Variants in MED13L observed in about 807,000 individuals in gnomAD.
MED13L encodes the protein mediator of RNA polymerase II transcription subunit 13-like.
MED13L carries 7 observed loss-of-function variants against 220.9 expected under a neutral mutation model. That is an observed-to-expected ratio of 0.03 (90% CI 0.02 to 0.06). The LOEUF is 0.06. Among genes scored for constraint, MED13L ranks in the 10% least tolerant of loss-of-function variants. The probability of loss-of-function intolerance (pLI) is 1.00; values close to 1 mark genes in which losing one functional copy is unlikely to be tolerated. For synonymous variants in MED13L, 1,011 were observed against 1,015.2 expected, an observed-to-expected ratio of 1.00 and a Z score of 0.08; for missense variants, 1,965 against 2,760.5, an observed-to-expected ratio of 0.71 and a Z score of 6.46.
chr12:116,234,528 C>A (rs1320423190), intron 2 of MED13L, among the ~76,000 whole-genome samples: 1 of 151,806 alleles, frequency 6.6e-6, no homozygotes, highest in Admixed American at 6.6e-5. Context: ...CCGTGACCAG[C>A]CAGGAAATGC....
intron 2 of MED13L, among the ~76,000 whole-genome samples, chr12:116,120,934 C>T (rs187658054): frequency 6.6e-6 from 1 of 152,098 alleles, no homozygotes; most frequent in African/African-American, 2.4e-5. Context: ...AAATGAGTGA[C>T]AACAGTCAAT....
chr12:116,119,857 A>G (rs1874882448), intron 2 of MED13L, among the ~76,000 whole-genome samples: 1 of 139,456 alleles, frequency 7.2e-6, no homozygotes, highest in African/African-American at 2.7e-5. Context: ...ATATATATAT[A>G]TATATGAAAC....
At chr12:115,981,002 T>C in intron 22 of MED13L, 64 bp from the exon 23 acceptor site, 1 of 1,406,820 alleles carries the variant, frequency 7.1e-7, no homozygotes, top group Admixed American at 1.9e-5. Flanking sequence ...TCTAACACAC[T>C]AACAAGCAAG....
intron 2 of MED13L, among the ~76,000 whole-genome samples, chr12:116,121,187 TATAA>T (rs1343757244): frequency 6.6e-6 from 1 of 152,210 alleles, no homozygotes; most frequent in Non-Finnish European, 1.5e-5. Flanking sequence ...AAAAGTAGTA[TATAA>T]ATGTTTTTTA....
rs1192473512 is a variant in MED13L, at chr12:116,148,086, G to A, written c.311-36574C>T. Among the ~76,000 whole-genome samples, 6 of 117,322 alleles carry A rather than the reference G, an allele frequency of 5.1e-5. No individual in the cohort carries two copies. The East Asian group carries it at 1.6e-3, about 32-fold the overall frequency. 77.0% of individuals were successfully genotyped at this position (117,322 alleles called of 152,430 possible). On this transcript the variant is annotated intron_variant, in intron 2 of 30. Transcript: ENST00000281928. ...AAAAAAAAAAAAAAGAGGGGGGCGG[G>A]AGTGGAGGGGGGCGGGGGTTCAAGC...
chr12:116,270,974 G>A (rs1269207434), intron 1 of MED13L, among the ~76,000 whole-genome samples: 5 of 147,602 alleles, frequency 3.4e-5, no homozygotes, highest in East Asian at 2.1e-4. Flanking sequence ...CCCAGGAGGC[G>A]GAGGTTGCAG....
At chr12:116,183,824 G>GTGTGTA (rs1346347596) in intron 2 of MED13L, among the ~76,000 whole-genome samples, 2 of 151,254 alleles carry the variant, frequency 1.3e-5, no homozygotes, top group African/African-American at 4.9e-5. Flanking sequence ...GTGTGTATGT[G>GTGTGTA]TGTGTGTGTG....
At chr12:116,039,496 T>C (rs1881395226) in intron 4 of MED13L, among the ~76,000 whole-genome samples, 1 of 152,166 alleles carries the variant, frequency 6.6e-6, no homozygotes, top group South Asian at 2.1e-4. Context: ...CAAAACACAG[T>C]ATGGCCTTCA....
intron 2 of MED13L, among the ~76,000 whole-genome samples, chr12:116,125,454 G>T (rs1875498841): frequency 6.6e-6 from 1 of 152,218 alleles, no homozygotes. Flanking sequence ...AAAATGTGTA[G>T]CCTAACTCTG....
chr12:116,002,977 T>C (rs1207124467), intron 14 of MED13L, 26 bp downstream of exon 14: 8 of 1,560,894 alleles, frequency 5.1e-6, no homozygotes, highest in Non-Finnish European at 7.1e-6. Flanking sequence ...TGAGCCACAA[T>C]GGCTCAGTCA....
intron 2 of MED13L, among the ~76,000 whole-genome samples, chr12:116,194,791 A>T (rs1376151447): frequency 6.6e-6 from 1 of 152,226 alleles, no homozygotes; most frequent in East Asian, 1.9e-4. Context: ...TGGCATCATA[A>T]ATTGCTTTGA....
intron 1 of MED13L, among the ~76,000 whole-genome samples, chr12:116,251,704 C>G (rs1291208187): frequency 1.3e-5 from 2 of 150,174 alleles, no homozygotes; most frequent in African/African-American, 2.5e-5. Context: ...GAGCTTGCAG[C>G]GAGCCAAGAT....
At chr12:116,075,512 T>C (rs1870708952) in intron 4 of MED13L, among the ~76,000 whole-genome samples, 1 of 152,248 alleles carries the variant, frequency 6.6e-6, no homozygotes, top group Non-Finnish European at 1.5e-5. Flanking sequence ...GCACCAGGTA[T>C]GTAGTCAACA....
chr12:116,009,596 G>A (rs1028237461), intron 9 of MED13L, among the ~76,000 whole-genome samples: 4 of 152,072 alleles, frequency 2.6e-5, no homozygotes, highest in Admixed American at 1.3e-4. Flanking sequence ...AAATAACTAC[G>A]CAACTACTCT....
intron 2 of MED13L, among the ~76,000 whole-genome samples, chr12:116,203,414 TG>T (rs1389807966): frequency 4.1e-5 from 6 of 146,664 alleles, no homozygotes; most frequent in African/African-American, 1.3e-4. Flanking sequence ...TTTTGTTTTG[TG>T]TTTTTTTTTT....
At chr12:115,973,031 C>CT (rs917264862) in intron 25 of MED13L, among the ~76,000 whole-genome samples, 5 of 152,106 alleles carry the variant, frequency 3.3e-5, no homozygotes, top group African/African-American at 4.8e-5. Flanking sequence ...TACCTCCACA[C>CT]TTTTTTTCCC....
At chr12:115,968,061 C>T (rs1217097810) in intron 28 of MED13L, among the ~76,000 whole-genome samples, 9 of 132,102 alleles carry the variant, frequency 6.8e-5, no homozygotes, top group South Asian at 6.1e-4. Context: ...AGTCCCCCCC[C>T]CCCCCCGATG....
intron 3 of MED13L, among the ~76,000 whole-genome samples, chr12:116,105,589 G>A (rs564797535): frequency 5.3e-5 from 8 of 152,098 alleles, no homozygotes; most frequent in African/African-American, 1.4e-4. Context: ...AAGCCAATAA[G>A]ACTCAAAGTT....
chr12:115,962,764 C>A (rs1212622213), intron 30 of MED13L: 5 of 157,468 alleles, frequency 3.2e-5, no homozygotes, highest in African/African-American at 1.2e-4. Flanking sequence ...GTGGCTCATG[C>A]CTGTAATCTC....
Sources: gnomAD v4.1 joint callset for allele counts (sites outside exome capture counted in the v4.1 genomes callset) on GRCh38, gnomAD v4.1.1 for gene constraint, MANE v1.5 for transcripts, NCBI Gene and HGNC (gene_info 2026-07-23, HGNC 2026-07-21) for gene names.